TSHZ2: variants seen among roughly 807,000 people sequenced by gnomAD.
TSHZ2 encodes the protein teashirt homolog 2.
In TSHZ2, 21 loss-of-function variants were observed where a neutral mutation model predicts 74.4. The observed-to-expected ratio is 0.28, with a 90% CI of 0.20 to 0.41. TSHZ2 has a LOEUF of 0.41. TSHZ2 is among the 10% of genes least tolerant of loss of function. The pLI is 1.00. For synonymous variants in TSHZ2, 540 were observed against 515.3 expected, an observed-to-expected ratio of 1.05 and a Z score of -0.65; for missense variants, 1,244 against 1,293.5, an observed-to-expected ratio of 0.96 and a Z score of 0.59.
chr20:53,276,814 C>T (rs1228242327), intron 2 of TSHZ2, among the ~76,000 whole-genome samples: 1 of 152,106 alleles, frequency 6.6e-6, no homozygotes, highest in Non-Finnish European at 1.5e-5. Flanking sequence ...CGTTGAGAAC[C>T]ATTGCTTTAA....
At chr20:53,434,950 G>A (rs951407099) in intron 2 of TSHZ2, among the ~76,000 whole-genome samples, 19 of 152,170 alleles carry the variant, frequency 1.2e-4, no homozygotes, top group Non-Finnish European at 2.2e-4. Context: ...AAATTCTTCC[G>A]AGCCAGAAAA....
chr20:53,246,036 C>CTTTTTTTTTTT (rs201257665), intron 1 of TSHZ2, among the ~76,000 whole-genome samples: 27 of 126,758 alleles, frequency 2.1e-4, no homozygotes, highest in African/African-American at 7.9e-4. Flanking sequence ...TTCTTTCTTT[C>CTTTTTTTTTTT]TTTCTTTTTT....
chr20:53,032,945 T>C (rs1277413125), intron 1 of TSHZ2, among the ~76,000 whole-genome samples: 1 of 152,124 alleles, frequency 6.6e-6, no homozygotes, highest in African/African-American at 2.4e-5. Flanking sequence ...TTCATACCCA[T>C]GGGGTTATAC....
chr20:53,212,329 C>T (rs1235586443), intron 1 of TSHZ2, among the ~76,000 whole-genome samples: 1 of 152,184 alleles, frequency 6.6e-6, no homozygotes, highest in Non-Finnish European at 1.5e-5. Flanking sequence ...TAACTCTTGT[C>T]ATATGGTTTA....
chr20:53,119,884 T>C (rs1986763801), intron 1 of TSHZ2, among the ~76,000 whole-genome samples: 1 of 152,214 alleles, frequency 6.6e-6, no homozygotes, highest in Non-Finnish European at 1.5e-5. Context: ...CTAACGTGTA[T>C]TTCCACTGAA....
At chr20:53,391,438 C>T (rs1982252004) in intron 2 of TSHZ2, among the ~76,000 whole-genome samples, 2 of 124,514 alleles carry the variant, frequency 1.6e-5, no homozygotes, top group Admixed American at 1.6e-4. Context: ...AGCGACAGCA[C>T]CAGGCCGTTT....
At chr20:53,207,676 TA>T (rs5841933) in intron 1 of TSHZ2, among the ~76,000 whole-genome samples, 3,087 of 152,078 alleles carry the variant, frequency 0.02, 108 homozygotes, top group African/African-American at 0.071. Context: ...TTTTTTATTT[TA>T]TTTTTTTATT....
At chr20:53,352,791 AAAAG>A (rs11469664) in intron 2 of TSHZ2, among the ~76,000 whole-genome samples, 61,077 of 138,358 alleles carry the variant, frequency 0.44, 11,946 homozygotes, top group African/African-American at 0.51. Flanking sequence ...AAAAAAAAAA[AAAAG>A]AAAGAAATAA....
chr20:53,412,635 G>A (rs1365933974), intron 2 of TSHZ2: 4 of 152,300 alleles, frequency 2.6e-5, no homozygotes, highest in African/African-American at 9.7e-5. Context: ...CGTCTCTCAG[G>A]GGGTGCACAG....
intron 1 of TSHZ2, among the ~76,000 whole-genome samples, chr20:53,006,519 C>T (rs144057140): frequency 6.6e-6 from 1 of 152,146 alleles, no homozygotes; most frequent in South Asian, 2.1e-4. Flanking sequence ...GCTGCAAGCC[C>T]CAGTCCCTTT....
At chr20:53,014,862 C>T (rs769715912) in intron 1 of TSHZ2, among the ~76,000 whole-genome samples, 10 of 152,126 alleles carry the variant, frequency 6.6e-5, no homozygotes, top group South Asian at 2.1e-4. Flanking sequence ...CAGAATGAGT[C>T]GTCTGTTCGT....
intron 2 of TSHZ2, among the ~76,000 whole-genome samples, chr20:53,285,431 C>A (rs1991146390): frequency 6.6e-6 from 1 of 152,056 alleles, no homozygotes; most frequent in Non-Finnish European, 1.5e-5. Flanking sequence ...AGAAATGGGG[C>A]CAGGTGCGGT....
At chr20:53,416,779 C>A (rs1600622777) in intron 2 of TSHZ2, among the ~76,000 whole-genome samples, 1 of 152,202 alleles carries the variant, frequency 6.6e-6, no homozygotes, top group Admixed American at 6.5e-5. Context: ...GACTTCTTTT[C>A]GTCACATAGA....
intron 2 of TSHZ2, among the ~76,000 whole-genome samples, chr20:53,453,277 C>A (rs981449730): frequency 6.6e-6 from 1 of 152,160 alleles, no homozygotes; most frequent in Non-Finnish European, 1.5e-5. Context: ...GGGCAGATGG[C>A]GGCCTGTACA....
At chr20:53,047,858 A>T (rs947695127) in intron 1 of TSHZ2, among the ~76,000 whole-genome samples, 10 of 152,200 alleles carry the variant, frequency 6.6e-5, no homozygotes, top group Non-Finnish European at 1.5e-5. Flanking sequence ...CCATGCATGG[A>T]TGTGGTGTTA....
chr20:53,048,614 C>T (rs962817257), intron 1 of TSHZ2, among the ~76,000 whole-genome samples: 1 of 152,184 alleles, frequency 6.6e-6, no homozygotes, highest in African/African-American at 2.4e-5. Context: ...GGAAAGTTTC[C>T]GGCGGATGAC....
intron 2 of TSHZ2, among the ~76,000 whole-genome samples, chr20:53,403,326 C>T (rs1982735897): frequency 6.6e-6 from 1 of 152,148 alleles, no homozygotes. Context: ...GATTGAGGCT[C>T]CATAAATAAA....
At chr20:53,154,313 AATGTTTTTTTAAC>A (rs1987742756) in intron 1 of TSHZ2, among the ~76,000 whole-genome samples, 1 of 145,824 alleles carries the variant, frequency 6.9e-6, no homozygotes, top group Admixed American at 7.0e-5. Flanking sequence ...TTAAGAAGTA[AATGTTTTTTTAAC>A]ATTGCTCCTA....
At chr20:53,133,336 C>G (rs770236197) in intron 1 of TSHZ2, among the ~76,000 whole-genome samples, 38 of 152,234 alleles carry the variant, frequency 2.5e-4, no homozygotes, top group Non-Finnish European at 5.3e-4. Flanking sequence ...AGCTTTCCCA[C>G]AGCTCAGCAG....
Sources: allele counts gnomAD v4.1 joint callset (sites outside exome capture counted in the v4.1 genomes callset), GRCh38; gene constraint gnomAD v4.1.1; transcripts MANE v1.5; gene names NCBI Gene and HGNC (gene_info 2026-07-23, HGNC 2026-07-21).